ARID5B: variants seen among roughly 807,000 people sequenced by gnomAD.
The protein encoded by ARID5B is AT-rich interactive domain-containing protein 5B.
ARID5B carries 13 observed loss-of-function variants against 97.2 expected under a neutral mutation model. The ratio of observed to expected loss-of-function variants is 0.13; its 90% CI spans 0.09 to 0.21. The LOEUF is 0.21. Ranked by LOEUF, ARID5B falls within the 10% of genes least tolerant of loss-of-function variation. The pLI, the probability that ARID5B is intolerant of heterozygous loss-of-function variation, is 1.00. For missense variants in ARID5B, 1,210 were observed against 1,465.3 expected (o/e 0.83, Z 2.84); for synonymous variants, 556 against 570.3 (o/e 0.97, Z 0.36).
intron 2 of ARID5B, among the ~76,000 whole-genome samples, chr10:61,928,731 C>T (rs566823872): frequency 1.7e-4 from 26 of 152,190 alleles, no homozygotes; most frequent in Non-Finnish European, 3.2e-4. Context: ...CTCATTTCAC[C>T]GCTGACCAGT....
intron 2 of ARID5B, among the ~76,000 whole-genome samples, chr10:61,908,574 G>A (rs751697739): frequency 6.6e-5 from 10 of 152,024 alleles, no homozygotes; most frequent in Non-Finnish European, 1.3e-4. Context: ...TTGAGAGGCC[G>A]AGGCAGGCAG....
chr10:62,087,542 A>G (rs543330684), intron 9 of ARID5B, among the ~76,000 whole-genome samples: 151 of 151,848 alleles, frequency 9.9e-4, no homozygotes, highest in African/African-American at 3.4e-3. Flanking sequence ...TAAAAAAAAA[A>G]AAAAACTGAG....
intron 2 of ARID5B, among the ~76,000 whole-genome samples, chr10:61,903,988 G>A (rs1256115989): frequency 1.3e-5 from 2 of 150,452 alleles, no homozygotes; most frequent in African/African-American, 4.9e-5. Flanking sequence ...GAAATACTGT[G>A]AAAAATCCTG....
At chr10:61,994,748 A>G (rs1457371266) in intron 3 of ARID5B, among the ~76,000 whole-genome samples, 1 of 152,164 alleles carries the variant, frequency 6.6e-6, no homozygotes, top group Non-Finnish European at 1.5e-5. Flanking sequence ...AAATATATAA[A>G]TAAGTAAAAA....
intron 8 of ARID5B, among the ~76,000 whole-genome samples, chr10:62,079,665 T>C (rs964427658): frequency 6.6e-6 from 1 of 152,168 alleles, no homozygotes; most frequent in African/African-American, 2.4e-5. Context: ...CAGTACCACG[T>C]ACCTTTCTTT....
At chr10:62,008,591 G>A (rs1370421156) in intron 4 of ARID5B, among the ~76,000 whole-genome samples, 14 of 152,180 alleles carry the variant, frequency 9.2e-5, no homozygotes, top group Admixed American at 9.2e-4. Flanking sequence ...AGAAACCCTG[G>A]TGCCAGCCAC....
chr10:61,938,883 G>GAA, intron 2 of ARID5B, among the ~76,000 whole-genome samples: 1 of 136,208 alleles, frequency 7.3e-6, no homozygotes, highest in Admixed American at 7.4e-5. Flanking sequence ...TAAAACATCA[G>GAA]AAAAAAAAAA....
intron 7 of ARID5B, among the ~76,000 whole-genome samples, chr10:62,065,300 GAA>G (rs1302342634): frequency 2.6e-5 from 4 of 152,144 alleles, no homozygotes; most frequent in African/African-American, 7.2e-5. Context: ...TTAATTGTGT[GAA>G]GTTATGCTTC....
At chr10:62,082,707 T>G (rs1254384099) in intron 8 of ARID5B, among the ~76,000 whole-genome samples, 1 of 152,238 alleles carries the variant, frequency 6.6e-6, no homozygotes, top group Non-Finnish European at 1.5e-5. Context: ...AACGTTTAAA[T>G]GTTCAGAAAC....
chr10:62,057,106 C>T lies in ARID5B; in HGVS notation c.847-11C>T. The T allele has an allele frequency of 1.2e-6, 2 of 1,613,070 alleles. No individual in the cohort carries two copies. The highest frequency in any genetic ancestry group is 1.7e-6 in the Non-Finnish European group (2 of 1,179,442). On this transcript the variant is annotated splice_polypyrimidine_tract_variant and intron_variant, in intron 5 of 9. Transcript: ENST00000279873. ...TGCCTCGTCTGATGTGGTATATTTT[C>T]CCTTTTCCAGGTGAAATGTGAGGCC...
At chr10:61,913,107 T>C (rs1270596126) in intron 2 of ARID5B, among the ~76,000 whole-genome samples, 1 of 152,150 alleles carries the variant, frequency 6.6e-6, no homozygotes, top group Non-Finnish European at 1.5e-5. Flanking sequence ...ATTTGCACTG[T>C]GGAAAAGACG....
chr10:61,916,725 C>A (rs766656372), intron 2 of ARID5B, among the ~76,000 whole-genome samples: 2 of 152,038 alleles, frequency 1.3e-5, no homozygotes, highest in Non-Finnish European at 2.9e-5. Flanking sequence ...GTAGAGGAAA[C>A]GGGAAGTATA....
At position 62,092,650 on chromosome 10, in the gene ARID5B, G is replaced by T; in HGVS notation, c.3187G>T (p.Gly1063Trp). Residue 1063 changes from glycine to tryptophan, a missense_variant, in exon 10 of 10, where the codon GGG (glycine) becomes TGG (tryptophan). This residue lies in a region of ARID5B where 800 missense variants were observed against 839.1 expected (regional missense o/e 0.95). Transcript: ENST00000279873. ...CAAAGCAGCGCACGGTGGGCATTCC[G>T]GGGGCGGATCAGAAGGCCACAAGCT... ...GSKAAHGGHSGGGSEGHKLPL... is the reference protein window; with the variant it reads ...GSKAAHGGHSWGGSEGHKLPL... 6.2e-7 allele frequency: 1 copy of T among 1,613,974 alleles called. No homozygotes were observed. The highest frequency in any genetic ancestry group is 8.5e-7 in the Non-Finnish European group (1 of 1,179,952).
At chr10:61,980,979 G>A (rs530609658) in intron 3 of ARID5B, among the ~76,000 whole-genome samples, 1 of 152,282 alleles carries the variant, frequency 6.6e-6, no homozygotes, top group East Asian at 1.9e-4. Flanking sequence ...TTGTGTCATC[G>A]GTTCATCTGG....
At chr10:61,956,646 G>A (rs1230962568) in intron 3 of ARID5B, among the ~76,000 whole-genome samples, 1 of 152,064 alleles carries the variant, frequency 6.6e-6, no homozygotes. Context: ...TCCTTATACA[G>A]TGTGATTTCT....
intron 2 of ARID5B, among the ~76,000 whole-genome samples, chr10:61,939,249 A>T (rs987183068): frequency 2.4e-4 from 37 of 152,160 alleles, no homozygotes; most frequent in Non-Finnish European, 4.4e-4. Flanking sequence ...GAAATGTCAG[A>T]TGCTTAAATA....
intron 4 of ARID5B, chr10:62,049,596 GGA>G: frequency 1.4e-6 from 2 of 1,414,192 alleles, no homozygotes; most frequent in Non-Finnish European, 2.0e-6. Flanking sequence ...GGGAATGAGA[GGA>G]GAGAGCGGGT....
chr10:62,038,049 A>C (rs1015318607), intron 4 of ARID5B, among the ~76,000 whole-genome samples: 1 of 152,220 alleles, frequency 6.6e-6, no homozygotes, highest in South Asian at 2.1e-4. Context: ...GATTTAAAAA[A>C]GTAGTTTATG....
intron 8 of ARID5B, among the ~76,000 whole-genome samples, chr10:62,075,934 A>G (rs541143404): frequency 3.3e-5 from 5 of 152,150 alleles, no homozygotes; most frequent in Non-Finnish European, 7.3e-5. Flanking sequence ...TCAAAACCCA[A>G]TCGGTGTTTT....
Sources: gnomAD v4.1 joint callset for allele counts (sites outside exome capture counted in the v4.1 genomes callset) on GRCh38, gnomAD v4.1.1 for gene constraint, gnomAD v4.1.1 regional missense constraint, MANE v1.5 for transcripts, NCBI Gene and HGNC (gene_info 2026-07-23, HGNC 2026-07-21) for gene names.